CPAMD8: variants seen among roughly 807,000 people sequenced by gnomAD.
The protein encoded by CPAMD8 is C3 and PZP like alpha-2-macroglobulin domain containing 8.
A neutral mutation model predicts 224.7 loss-of-function variants in CPAMD8; 146 were observed. The ratio of observed to expected loss-of-function variants is 0.65; its 90% CI spans 0.57 to 0.75. The LOEUF is 0.75. CPAMD8 is among the 30% of genes least tolerant of loss of function. CPAMD8 has a pLI of 0.00. For missense variants in CPAMD8, 2,301 were observed against 2,537.5 expected (o/e 0.91, Z 2.00); for synonymous variants, 966 against 1,044.6 (o/e 0.92, Z 1.45).
chr19:16,980,700 G>C lies in CPAMD8; in HGVS notation c.1396-14C>G, dbSNP rs762672386. 12 of 1,514,594 alleles carry C rather than the reference G, an allele frequency of 7.9e-6. No homozygotes were observed. The highest frequency in any genetic ancestry group is 8.8e-6 in the Non-Finnish European group (10 of 1,131,268). The allele number at this position is 1,514,594 out of a possible 1,614,324, so 93.8% of individuals were successfully genotyped here. ...TTCTTCCCCAACCTATGGAAGACACGCAGCATGGGGGGCTCTGCCTCGCAC... is the reference window on the plus strand; with the variant it reads ...TTCTTCCCCAACCTATGGAAGACACCCAGCATGGGGGGCTCTGCCTCGCAC... On this transcript the variant is annotated splice_polypyrimidine_tract_variant and intron_variant, in intron 13 of 41. Transcript: ENST00000443236.
rs1332364221 is a variant in CPAMD8 at position 16,928,955 on chromosome 19, C to T, written c.3131G>A (p.Gly1044Asp). 1.2e-6 allele frequency: 2 copies of T among 1,605,932 alleles called. No homozygotes were observed. Among genetic ancestry groups the T allele is most frequent in the East Asian group, 2.2e-5 (1 of 44,796 alleles). Residue 1044 changes from glycine (G) to aspartate (D), a missense_variant, in exon 24 of 42, where the codon GGT (glycine) becomes GAT (aspartate). By Grantham distance (94) the Gly-to-Asp change is moderately conservative (BLOSUM62 -1). Coordinates refer to ENST00000443236, the MANE Select transcript of CPAMD8 (RefSeq NM_015692.5). Reference sequence around the variant, plus strand: ...TCTGCTGTATACCTGGATAAGGCCACCACGCCAGCTGATCCAGAATGTTCT... The same window carrying T: ...TCTGCTGTATACCTGGATAAGGCCATCACGCCAGCTGATCCAGAATGTTCT... ...EFRTFWISWR[G>D]GLIQVGHGPE... is the part of the protein sequence containing the mutation.
intron 30 of CPAMD8, 112 bp from the exon 31 acceptor site, chr19:16,904,664 G>A (rs2052400802): frequency 2.7e-6 from 2 of 749,770 alleles, no homozygotes; most frequent in African/African-American, 1.7e-5. Context: ...GGACCCCAGT[G>A]GGAGAAGAGT....
At chr19:16,944,679 C>G (rs1355758621) in intron 22 of CPAMD8, among the ~76,000 whole-genome samples, 1 of 152,082 alleles carries the variant, frequency 6.6e-6, no homozygotes, top group Non-Finnish European at 1.5e-5. Context: ...CACTCTTGTC[C>G]CCAAGGAATC....
chr19:17,026,628 C>G lies in CPAMD8; in HGVS notation c.15G>C (p.Leu5=). The G allele has an allele frequency of 6.8e-7, 1 of 1,468,696 alleles. No individual in the cohort carries two copies. Among genetic ancestry groups the G allele is most frequent in the Non-Finnish European group, 8.9e-7 (1 of 1,118,884 alleles). 91.0% of individuals were successfully genotyped at this position (1,468,696 alleles called of 1,614,324 possible). The part of the protein sequence containing the change: MSGA[L]LWPLLPLLLL... ...GCAGGAGCGGGAGCAACGGCCAGAG[C>G]AGGGCGCCGCTCATTTTTCGGCTCC... The change falls in exon 1 of 42, where the codon CTG becomes CTC. Residue 5 remains leucine (L), a synonymous_variant. Coordinates refer to ENST00000443236, the MANE Select transcript of CPAMD8 (RefSeq NM_015692.5).
At chr19:16,997,759 T>C (rs1057460229) in intron 10 of CPAMD8, among the ~76,000 whole-genome samples, 56 of 151,364 alleles carry the variant, frequency 3.7e-4, no homozygotes, top group African/African-American at 1.4e-3. Context: ...GGCTGAGGCA[T>C]GAGAATCGCT....
At position 16,963,583 on chromosome 19, in the gene CPAMD8, C is replaced by T. The variant is rs367695512; in HGVS notation, c.2214-5668G>A. On this transcript the variant is annotated intron_variant, in intron 18 of 41. Coordinates refer to ENST00000443236, the MANE Select transcript of CPAMD8 (RefSeq NM_015692.5). Reference sequence around the variant, plus strand: ...CTACAAAGAGACTTAGACTCCCACACAATACTAATGGGAGACTTTAACACC... The same window carrying T: ...CTACAAAGAGACTTAGACTCCCACATAATACTAATGGGAGACTTTAACACC... 3.3e-4 allele frequency among the ~76,000 whole-genome samples: 51 copies of T among 152,268 alleles called. 1 individual carries two copies. In the South Asian group the frequency reaches 0.01, roughly 30 times the overall value.
At chr19:17,010,195 G>T (rs1178940584) in intron 5 of CPAMD8, among the ~76,000 whole-genome samples, 1 of 151,604 alleles carries the variant, frequency 6.6e-6, no homozygotes, top group African/African-American at 2.4e-5. Flanking sequence ...TATTATTATT[G>T]TGTCAATGTC....
intron 9 of CPAMD8, 80 bp from the exon 10 acceptor site, chr19:17,000,602 C>CTG: frequency 1.4e-6 from 1 of 696,252 alleles, no homozygotes; most frequent in Non-Finnish European, 2.7e-6. Context: ...GCCAGGTTGA[C>CTG]ATAGTGTGGC....
At chr19:16,920,019 C>T (rs1364096445) in intron 27 of CPAMD8, among the ~76,000 whole-genome samples, 1 of 152,214 alleles carries the variant, frequency 6.6e-6, no homozygotes. Flanking sequence ...TGAGACAGAG[C>T]TGAGGTTTGT....
At position 16,904,245 on chromosome 19, in the gene CPAMD8, C is replaced by G; in HGVS notation, c.4232G>C (p.Gly1411Ala). ...KWLSQQRNALGGFSSTQDTCV... is the reference protein window; with the variant it reads ...KWLSQQRNALAGFSSTQDTCV... ...GCTCGCCTGAGTGGAGGAGAAGCCC[C>G]CAAGTGCATTTCGCTGCTGGGACAG... Residue 1411 changes from glycine to alanine, a missense_variant, in exon 32 of 42, where the codon GGG becomes GCG. Physicochemically the swap from Gly to Ala is moderately conservative, Grantham distance 60. Transcript: ENST00000443236. 1 of 1,612,944 alleles carries G rather than the reference C, an allele frequency of 6.2e-7. No individual in the cohort carries two copies. The highest frequency in any genetic ancestry group is 8.5e-7 in the Non-Finnish European group (1 of 1,179,868).
chr19:16,922,815 A>G (rs1436397148), intron 26 of CPAMD8, among the ~76,000 whole-genome samples: 1 of 151,996 alleles, frequency 6.6e-6, no homozygotes, highest in Non-Finnish European at 1.5e-5. Context: ...GCTCCACATC[A>G]CATCGGGGAT....
chr19:16,970,238 CAA>C (rs34399675), intron 18 of CPAMD8, among the ~76,000 whole-genome samples: 81 of 92,616 alleles, frequency 8.7e-4, no homozygotes, highest in South Asian at 2.6e-3. Flanking sequence ...GACTCTGTCT[CAA>C]AAAAAAAAAA....
intron 29 of CPAMD8, chr19:16,910,546 G>T (rs543540145): frequency 6.6e-6 from 1 of 150,580 alleles, no homozygotes; most frequent in African/African-American, 2.4e-5. Context: ...TCATACGCAC[G>T]ATCTCCCTAC....
At chr19:16,900,115 C>A (rs58017830) in intron 36 of CPAMD8, among the ~76,000 whole-genome samples, 3 of 151,692 alleles carry the variant, frequency 2.0e-5, no homozygotes, top group African/African-American at 7.3e-5. Context: ...CAGCCAGAGC[C>A]GGGCAGCAAT....
chr19:16,940,630 G>T (rs930480584), intron 22 of CPAMD8, among the ~76,000 whole-genome samples: 1 of 152,152 alleles, frequency 6.6e-6, no homozygotes, highest in Admixed American at 6.5e-5. Flanking sequence ...CTATACTGAT[G>T]AGTCCAGGAG....
intron 30 of CPAMD8, among the ~76,000 whole-genome samples, chr19:16,906,271 CTTCCT>C (rs1426879556): frequency 6.6e-6 from 1 of 151,942 alleles, no homozygotes; most frequent in African/African-American, 2.4e-5. Context: ...TCCTTCCTTC[CTTCCT>C]TTCTTCCTCT....
At chr19:16,941,457 A>G (rs531575441) in intron 22 of CPAMD8, among the ~76,000 whole-genome samples, 1 of 152,334 alleles carries the variant, frequency 6.6e-6, no homozygotes, top group East Asian at 1.9e-4. Context: ...GATTCCATTG[A>G]TACAAAATGT....
At chr19:17,002,599 T>TA (rs1599885035) in intron 8 of CPAMD8, 1 of 367,876 alleles carries the variant, frequency 2.7e-6, no homozygotes. Flanking sequence ...ACCACGTGCT[T>TA]AGAGTGTGGC....
At chr19:16,954,169 C>A (rs1439359586) in intron 19 of CPAMD8, among the ~76,000 whole-genome samples, 1 of 151,918 alleles carries the variant, frequency 6.6e-6, no homozygotes, top group Admixed American at 6.6e-5. Flanking sequence ...CCCGTCTCTA[C>A]TAAAAATACG....
Sources: gnomAD v4.1 joint callset for allele counts (sites outside exome capture counted in the v4.1 genomes callset) on GRCh38, gnomAD v4.1.1 for gene constraint, MANE v1.5 for transcripts, NCBI Gene and HGNC (gene_info 2026-07-23, HGNC 2026-07-21) for gene names.